Variants in HDAC9 observed in about 807,000 individuals in gnomAD.
HDAC9 encodes MEF-2 interacting transcription repressor (MITR) protein.
In HDAC9, 41 loss-of-function variants were observed where a neutral mutation model predicts 139.4. The ratio of observed to expected loss-of-function variants is 0.29; its 90% CI spans 0.23 to 0.38. The LOEUF is 0.38. Ranked by LOEUF, HDAC9 falls within the 10% of genes least tolerant of loss-of-function variation. HDAC9 has a pLI of 1.00. For missense variants in HDAC9, 1,147 were observed against 1,297.0 expected (o/e 0.88, Z 1.78); for synonymous variants, 517 against 476.2 (o/e 1.09, Z -1.12).
intron 9 of HDAC9, among the ~76,000 whole-genome samples, chr7:18,645,470 G>A (rs1158636400): frequency 6.6e-6 from 1 of 152,128 alleles, no homozygotes. Context: ...GCCTAGAAGT[G>A]ATTCCTTGTT....
intron 1 of HDAC9, among the ~76,000 whole-genome samples, chr7:18,160,222 C>T (rs1220011625): frequency 5.9e-5 from 9 of 152,198 alleles, no homozygotes; most frequent in African/African-American, 2.2e-4. Flanking sequence ...AGCTGCTTCA[C>T]TTACATTCTC....
At chr7:18,608,555 C>T (rs1223485062) in intron 6 of HDAC9, among the ~76,000 whole-genome samples, 1 of 152,126 alleles carries the variant, frequency 6.6e-6, no homozygotes, top group African/African-American at 2.4e-5. Flanking sequence ...CATTCTAACA[C>T]TTCCCTTATC....
intron 17 of HDAC9, among the ~76,000 whole-genome samples, chr7:18,817,072 T>C (rs913636142): frequency 6.6e-6 from 1 of 151,210 alleles, no homozygotes; most frequent in African/African-American, 2.4e-5. Context: ...TCTCGCGCTG[T>C]CGCCCAGGCT....
At chr7:18,990,344 C>T (rs1037529547) in intron 25 of HDAC9, among the ~76,000 whole-genome samples, 1 of 150,976 alleles carries the variant, frequency 6.6e-6, no homozygotes, top group African/African-American at 2.5e-5. Flanking sequence ...AGGGGTGCCT[C>T]CCAGTTAGGC....
chr7:18,778,479 A>G (rs1258370910), intron 16 of HDAC9, among the ~76,000 whole-genome samples: 1 of 152,014 alleles, frequency 6.6e-6, no homozygotes, highest in Non-Finnish European at 1.5e-5. Context: ...TGCACTGTCC[A>G]GTGAATAAAA....
At chr7:18,463,255 C>T (rs1477130731) in intron 1 of HDAC9, among the ~76,000 whole-genome samples, 1 of 151,912 alleles carries the variant, frequency 6.6e-6, no homozygotes, top group Non-Finnish European at 1.5e-5. Flanking sequence ...CCAAGATATA[C>T]CCACATAATG....
At chr7:18,857,961 C>G (rs888777478) in intron 21 of HDAC9, among the ~76,000 whole-genome samples, 1 of 152,066 alleles carries the variant, frequency 6.6e-6, no homozygotes, top group Non-Finnish European at 1.5e-5. Flanking sequence ...TACTGATGTA[C>G]TAATAACTGT....
At chr7:18,614,579 C>G (rs538637911) in intron 6 of HDAC9, among the ~76,000 whole-genome samples, 6 of 152,232 alleles carry the variant, frequency 3.9e-5, no homozygotes, top group Non-Finnish European at 7.4e-5. Context: ...AATGGAGTCT[C>G]TCTTCTTCTC....
intron 21 of HDAC9, among the ~76,000 whole-genome samples, 180 bp downstream of exon 21, chr7:18,836,177 T>C (rs1796224113): frequency 6.6e-6 from 1 of 152,200 alleles, no homozygotes; most frequent in African/African-American, 2.4e-5. Flanking sequence ...TACAGGTATA[T>C]TGGCCAATGG....
intron 22 of HDAC9, among the ~76,000 whole-genome samples, chr7:18,888,091 G>C (rs1202447352): frequency 6.6e-6 from 1 of 152,144 alleles, no homozygotes; most frequent in Non-Finnish European, 1.5e-5. Context: ...AATTCTTCCT[G>C]ATCTGTCAGT....
intron 2 of HDAC9, among the ~76,000 whole-genome samples, chr7:18,567,646 A>G (rs1426745770): frequency 6.6e-6 from 1 of 152,158 alleles, no homozygotes; most frequent in Non-Finnish European, 1.5e-5. Context: ...ATAAATTTAA[A>G]TTTGCATTAA....
At chr7:18,510,108 G>C (rs1222749549) in intron 2 of HDAC9, among the ~76,000 whole-genome samples, 1 of 152,106 alleles carries the variant, frequency 6.6e-6, no homozygotes, top group African/African-American at 2.4e-5. Flanking sequence ...ACATTTTTGA[G>C]GTGTTAGAGC....
intron 23 of HDAC9, among the ~76,000 whole-genome samples, chr7:18,946,582 A>C (rs915790928): frequency 1.3e-5 from 2 of 152,164 alleles, no homozygotes; most frequent in African/African-American, 4.8e-5. Flanking sequence ...GAGGTGTTTC[A>C]TACTGATAAA....
At chr7:18,820,081 G>A (rs536816447) in intron 17 of HDAC9, among the ~76,000 whole-genome samples, 3 of 152,082 alleles carry the variant, frequency 2.0e-5, no homozygotes, top group South Asian at 4.2e-4. Context: ...TTCAAAGTTC[G>A]AGAAACAGAT....
intron 1 of HDAC9, among the ~76,000 whole-genome samples, chr7:18,291,927 G>A (rs1797835771): frequency 6.6e-6 from 1 of 152,062 alleles, no homozygotes; most frequent in Admixed American, 6.6e-5. Flanking sequence ...CTGCAGTTGG[G>A]TTTAGGCAAC....
At chr7:18,915,405 G>A (rs188656117) in intron 22 of HDAC9, among the ~76,000 whole-genome samples, 29 of 151,478 alleles carry the variant, frequency 1.9e-4, no homozygotes, top group Admixed American at 5.3e-4. Context: ...TCAGAAAACC[G>A]CAACAAACTA....
intron 1 of HDAC9, among the ~76,000 whole-genome samples, chr7:18,138,617 G>A (rs1267533314): frequency 1.3e-5 from 2 of 151,722 alleles, no homozygotes; most frequent in African/African-American, 4.8e-5. Context: ...CAGTGCTGGA[G>A]AGAGCCCAAG....
chr7:18,465,866 A>G (rs1199482045), intron 1 of HDAC9, among the ~76,000 whole-genome samples: 1 of 152,224 alleles, frequency 6.6e-6, no homozygotes, highest in East Asian at 1.9e-4. Flanking sequence ...ATGTGGAGAT[A>G]TATCTATTTA....
chr7:18,534,001 A>G (rs1809960837), intron 2 of HDAC9, among the ~76,000 whole-genome samples: 1 of 152,082 alleles, frequency 6.6e-6, no homozygotes, highest in Non-Finnish European at 1.5e-5. Context: ...CCTCTATTCG[A>G]TAGAGGCTAT....
Sources: gnomAD v4.1 joint callset for allele counts (sites outside exome capture counted in the v4.1 genomes callset) on GRCh38, gnomAD v4.1.1 for gene constraint, MANE v1.5 for transcripts, NCBI Gene and HGNC (gene_info 2026-07-23, HGNC 2026-07-21) for gene names.